The following FYB1 variants were observed in gnomAD, a reference collection of about 807,000 sequenced individuals.
FYB1 encodes FYN binding protein 1.
A neutral mutation model predicts 94.1 loss-of-function variants in FYB1; 41 were observed. The observed-to-expected ratio is 0.44, with a 90% CI of 0.34 to 0.57. The LOEUF (loss-of-function observed/expected upper bound fraction) is 0.57. Among genes scored for constraint, FYB1 ranks in the 20% least tolerant of loss-of-function variants. The pLI is 0.02. For synonymous variants in FYB1, 367 were observed against 353.2 expected, an observed-to-expected ratio of 1.04 and a Z score of -0.44; for missense variants, 1,050 against 976.8, an observed-to-expected ratio of 1.07 and a Z score of -1.00.
chr5:39,241,643 T>C (rs1009273181), intron 1 of FYB1, among the ~76,000 whole-genome samples: 1 of 152,162 alleles, frequency 6.6e-6, no homozygotes, highest in Admixed American at 6.5e-5. Context: ...GATGGGTCTA[T>C]ACTGGCAAAA....
intron 1 of FYB1, among the ~76,000 whole-genome samples, chr5:39,211,411 C>T (rs889800449): frequency 2.0e-5 from 3 of 151,904 alleles, no homozygotes; most frequent in African/African-American, 7.3e-5. Context: ...AGCTCCGCCT[C>T]CCAGGTTCAC....
chr5:39,234,423 G>A (rs1380219735), intron 1 of FYB1, among the ~76,000 whole-genome samples: 26 of 152,012 alleles, frequency 1.7e-4, no homozygotes, highest in Admixed American at 1.7e-3. Flanking sequence ...GTGTCAAGGA[G>A]CTCAGTCTTT....
At chr5:39,149,379 G>A (rs1321907632) in intron 3 of FYB1, among the ~76,000 whole-genome samples, 4 of 152,128 alleles carry the variant, frequency 2.6e-5, no homozygotes, top group Non-Finnish European at 5.9e-5. Flanking sequence ...TAAACCTTAG[G>A]GAAGCCATTG....
At chr5:39,141,051 C>A in intron 4 of FYB1, 44 bp downstream of exon 4, 1 of 1,380,340 alleles carries the variant, frequency 7.2e-7, no homozygotes, top group Non-Finnish European at 1.0e-6. Flanking sequence ...ACTTCTGTAC[C>A]TGAGTTTACA....
intron 2 of FYB1, among the ~76,000 whole-genome samples, chr5:39,189,218 C>A (rs1177631324): frequency 7.2e-6 from 1 of 138,806 alleles, no homozygotes; most frequent in Non-Finnish European, 1.5e-5. Context: ...GGCAGAAGAA[C>A]GCCTTTTATG....
intron 3 of FYB1, among the ~76,000 whole-genome samples, chr5:39,146,218 A>G (rs1032981410): frequency 3.9e-5 from 6 of 152,024 alleles, no homozygotes; most frequent in Non-Finnish European, 8.8e-5. Flanking sequence ...CCTGGCCTCC[A>G]TTCTTTAAGC....
At chr5:39,251,154 C>T (rs1258595777) in intron 1 of FYB1, among the ~76,000 whole-genome samples, 1 of 151,990 alleles carries the variant, frequency 6.6e-6, no homozygotes, top group Non-Finnish European at 1.5e-5. Flanking sequence ...ATTTTAGAAC[C>T]TGGAAAAACG....
intron 2 of FYB1, among the ~76,000 whole-genome samples, chr5:39,172,555 C>A (rs1348581808): frequency 6.6e-6 from 1 of 152,162 alleles, no homozygotes; most frequent in East Asian, 1.9e-4. Flanking sequence ...CCAGTGATCT[C>A]ATCACTCAAC....
intron 2 of FYB1, among the ~76,000 whole-genome samples, chr5:39,200,449 A>G (rs1461839093): frequency 6.6e-6 from 1 of 152,204 alleles, no homozygotes; most frequent in Non-Finnish European, 1.5e-5. Flanking sequence ...CACAGCCATA[A>G]AATGGAGGTC....
At chr5:39,180,185 A>G (rs114723046) in intron 2 of FYB1, among the ~76,000 whole-genome samples, 1,731 of 152,164 alleles carry the variant, frequency 0.011, 35 homozygotes, top group African/African-American at 0.039. Context: ...CCATTCCCCA[A>G]TGTTTGCCAT....
At chr5:39,134,662 C>T (rs932699645) in intron 8 of FYB1, among the ~76,000 whole-genome samples, 193 bp downstream of exon 8, 3 of 152,098 alleles carry the variant, frequency 2.0e-5, no homozygotes, top group Non-Finnish European at 4.4e-5. Flanking sequence ...TAAAACTGTA[C>T]GTTGTTTCCC....
chr5:39,172,235 C>T (rs747997418), intron 2 of FYB1, among the ~76,000 whole-genome samples: 1 of 152,076 alleles, frequency 6.6e-6, no homozygotes, highest in Non-Finnish European at 1.5e-5. Flanking sequence ...CACTTGAGCT[C>T]AGGAGTTTGA....
rs960180132 is a variant in FYB1, at chr5:39,137,691, C to G, written c.1424G>C (p.Arg475Thr). ...IEASKEREKK[R>T]EKEEKKRLEL... Reference sequence around the variant, plus strand: ...TAACCTCTTCTTTTCTTCCTTTTCCCTTTTCTTCTCTCTTTCTTTGGATGC... The same window carrying G: ...TAACCTCTTCTTTTCTTCCTTTTCCGTTTTCTTCTCTCTTTCTTTGGATGC... The change falls in exon 7 of 19, where the codon AGG becomes ACG. Residue 475 changes from arginine (R) to threonine (T), a missense_variant. Transcript: ENST00000512982. 2 of 1,547,522 alleles carry G rather than the reference C, an allele frequency of 1.3e-6. No individual in the cohort carries two copies. Among genetic ancestry groups the G allele is most frequent in the African/African-American group, 1.4e-5 (1 of 72,926 alleles).
At chr5:39,153,743 T>C in intron 2 of FYB1, 139 bp from the exon 3 acceptor site, 1 of 721,522 alleles carries the variant, frequency 1.4e-6, no homozygotes, top group East Asian at 2.7e-5. Flanking sequence ...CAATAAAGAG[T>C]ATGTTTATTT....
At chr5:39,160,270 G>A (rs1246771628) in intron 2 of FYB1, among the ~76,000 whole-genome samples, 1 of 152,108 alleles carries the variant, frequency 6.6e-6, no homozygotes, top group African/African-American at 2.4e-5. Flanking sequence ...CTTAATAAAT[G>A]GTCCTATTCT....
chr5:39,137,132 A>G (rs1238066297), intron 7 of FYB1, among the ~76,000 whole-genome samples: 1 of 152,168 alleles, frequency 6.6e-6, no homozygotes, highest in Non-Finnish European at 1.5e-5. Context: ...AGGCAACAAT[A>G]TAACTCATGT....
At chr5:39,173,828 C>T (rs577854841) in intron 2 of FYB1, among the ~76,000 whole-genome samples, 2 of 152,220 alleles carry the variant, frequency 1.3e-5, no homozygotes, top group African/African-American at 2.4e-5. Flanking sequence ...CAGTATCATG[C>T]TCTTTGGGTT....
chr5:39,216,040 A>C (rs1749839285), intron 1 of FYB1, among the ~76,000 whole-genome samples: 1 of 152,148 alleles, frequency 6.6e-6, no homozygotes, highest in African/African-American at 2.4e-5. Context: ...GAATCCCTGG[A>C]ACCACCAGAA....
At chr5:39,226,157 C>G (rs922064936) in intron 1 of FYB1, among the ~76,000 whole-genome samples, 1 of 152,194 alleles carries the variant, frequency 6.6e-6, no homozygotes, top group African/African-American at 2.4e-5. Flanking sequence ...CTTTCTCTGA[C>G]TTACATGTTC....
Sources: allele counts gnomAD v4.1 joint callset (sites outside exome capture counted in the v4.1 genomes callset), GRCh38; gene constraint gnomAD v4.1.1; transcripts MANE v1.5; gene names NCBI Gene and HGNC (gene_info 2026-07-23, HGNC 2026-07-21).